The following ANKIB1 variants were observed in gnomAD, a reference collection of about 807,000 sequenced individuals.
The protein encoded by ANKIB1 is ankyrin repeat and IBR domain containing 1.
ANKIB1 carries 43 observed loss-of-function variants against 122.1 expected under a neutral mutation model. That is an observed-to-expected ratio of 0.35 (90% CI 0.28 to 0.45). The LOEUF (loss-of-function observed/expected upper bound fraction) is 0.45, where lower values mean the gene tolerates loss of function less well. Among genes scored for constraint, ANKIB1 ranks in the 20% least tolerant of loss-of-function variants. The pLI, the probability that ANKIB1 is intolerant of heterozygous loss-of-function variation, is 1.00. For synonymous variants in ANKIB1, 390 were observed against 442.0 expected (o/e 0.88, Z 1.48); for missense variants, 992 against 1,329.5 (o/e 0.75, Z 3.95).
In ANKIB1 at chr7:92,343,089, G is replaced by A; in HGVS notation, c.853G>A (p.Gly285Ser). 3 of 1,613,936 alleles carry A rather than the reference G, an allele frequency of 1.9e-6. No homozygotes were observed. Among genetic ancestry groups the A allele is most frequent in the Non-Finnish European group, 2.5e-6 (3 of 1,179,872 alleles). The change falls in exon 6 of 20, where the codon GGT (glycine) becomes AGT (serine). Residue 285 changes from glycine (G) to serine (S), a missense_variant. Physicochemically the swap from Gly to Ser is moderately conservative, Grantham distance 56. Around this residue, in one of 4 missense-constraint regions of ANKIB1, gnomAD observed 521 missense variants for 777.7 expected, o/e 0.67. Transcript: ENST00000265742. ...SNPENCCQRS[G>S]VQMPTPPPSG... ...CCCGGAGAACTGCTGCCAACGATCA[G>A]GTGTTCAAATGCCAACTCCACCACC...
intron 8 of ANKIB1, 66 bp downstream of exon 8, chr7:92,351,160 T>C: frequency 8.0e-7 from 1 of 1,251,668 alleles, no homozygotes; most frequent in Non-Finnish European, 1.0e-6. Context: ...CTTTATAACA[T>C]TATTTTTTCT....
chr7:92,314,828 A>G (rs1213673419), intron 3 of ANKIB1, among the ~76,000 whole-genome samples: 1 of 152,168 alleles, frequency 6.6e-6, no homozygotes, highest in African/African-American at 2.4e-5. Flanking sequence ...GTTGAGTACC[A>G]ATGTATTAGA....
intron 1 of ANKIB1, among the ~76,000 whole-genome samples, chr7:92,249,474 A>T (rs1169194776): frequency 6.6e-6 from 1 of 152,142 alleles, no homozygotes; most frequent in Non-Finnish European, 1.5e-5. Context: ...TAATCCCAGC[A>T]CTTTGGGAGG....
At chr7:92,375,878 G>A (rs578253427) in intron 11 of ANKIB1, among the ~76,000 whole-genome samples, 6 of 152,280 alleles carry the variant, frequency 3.9e-5, no homozygotes, top group Non-Finnish European at 5.9e-5. Context: ...CAAAATGACC[G>A]CTTAATCCAT....
intron 17 of ANKIB1, among the ~76,000 whole-genome samples, chr7:92,393,943 T>C (rs987012031): frequency 6.6e-6 from 1 of 152,132 alleles, no homozygotes; most frequent in Non-Finnish European, 1.5e-5. Context: ...TAGACTTAGA[T>C]TGAACTTATA....
chr7:92,316,588 C>G (rs1256635068), intron 3 of ANKIB1, among the ~76,000 whole-genome samples: 1 of 152,164 alleles, frequency 6.6e-6, no homozygotes. Context: ...AGATACAGGT[C>G]TTTATGGTTC....
At chr7:92,346,494 TC>T (rs1438686518) in intron 7 of ANKIB1, among the ~76,000 whole-genome samples, 1 of 152,172 alleles carries the variant, frequency 6.6e-6, no homozygotes, top group Non-Finnish European at 1.5e-5. Flanking sequence ...GCTTTTTAAG[TC>T]AGAATATCTG....
intron 2 of ANKIB1, among the ~76,000 whole-genome samples, chr7:92,300,813 T>C (rs958546463): frequency 6.6e-6 from 1 of 152,120 alleles, no homozygotes; most frequent in Admixed American, 6.6e-5. Context: ...TAATTCATCT[T>C]CTAACTGAAA....
chr7:92,387,975 C>G lies in ANKIB1; in HGVS notation c.1840C>G (p.Leu614Val), dbSNP rs1441612985. 6.3e-7 allele frequency: 1 copy of G among 1,587,588 alleles called. No individual in the cohort carries two copies. Among genetic ancestry groups the G allele is most frequent in the Non-Finnish European group, 8.6e-7 (1 of 1,165,992 alleles). ...AAATTCTTTATTTCTATTCCTTTAG[C>G]TAGAACAACGCCTTCTTAAAACAGC... ...RFKNHEHSYQ[L>V]EQRLLKTAKE... Residue 614 changes from leucine (L) to valine (V), a missense_variant and splice_region_variant, in exon 14 of 20, where the codon CTA becomes GTA. Leu to Val is a conservative substitution (Grantham distance 32, BLOSUM62 1). Around this residue, in one of 4 missense-constraint regions of ANKIB1, gnomAD observed 521 missense variants for 777.7 expected, o/e 0.67. Coordinates refer to ENST00000265742, the MANE Select transcript of ANKIB1 (RefSeq NM_019004.2).
chr7:92,398,902 A>G lies in ANKIB1; in HGVS notation c.3223A>G (p.Thr1075Ala), dbSNP rs1272459574. 4 of 1,602,258 alleles carry G rather than the reference A, an allele frequency of 2.5e-6. No homozygotes were observed. The highest frequency in any genetic ancestry group is 3.4e-6 in the Non-Finnish European group (4 of 1,174,214). The change falls in exon 20 of 20, where the codon ACA becomes GCA. Residue 1075 changes from threonine to alanine, a missense_variant. This residue lies in a region of ANKIB1 where 384 missense variants were observed against 412.0 expected (regional missense o/e 0.93). Transcript: ENST00000265742. ...RGDGSDVSSQ[T>A]PQTSSDWLEQ... ...AGATGGTTCAGATGTTTCAAGTCAA[A>G]CACCTCAAACCTCAAGTGACTGGCT... is the stretch of plus-strand genomic sequence containing the variant.
intron 1 of ANKIB1, among the ~76,000 whole-genome samples, chr7:92,276,186 C>T (rs1801900999): frequency 6.6e-6 from 1 of 152,040 alleles, no homozygotes; most frequent in African/African-American, 2.4e-5. Flanking sequence ...GGATTCTAGG[C>T]CCAAGGCATA....
At chr7:92,342,128 A>G (rs1322167035) in intron 5 of ANKIB1, among the ~76,000 whole-genome samples, 2 of 152,102 alleles carry the variant, frequency 1.3e-5, no homozygotes, top group African/African-American at 4.8e-5. Context: ...ATGTGCCTAC[A>G]GTGAATAATT....
At chr7:92,277,881 C>G (rs766492510) in intron 1 of ANKIB1, among the ~76,000 whole-genome samples, 1 of 152,078 alleles carries the variant, frequency 6.6e-6, no homozygotes, top group Non-Finnish European at 1.5e-5. Context: ...GTCAGGAGTT[C>G]GAGGCCAACC....
intron 1 of ANKIB1, among the ~76,000 whole-genome samples, chr7:92,273,513 T>C (rs888222785): frequency 3.9e-5 from 6 of 152,214 alleles, no homozygotes; most frequent in Admixed American, 6.5e-5. Context: ...ACGACCAAGA[T>C]TGCATTGCCT....
intron 1 of ANKIB1, among the ~76,000 whole-genome samples, chr7:92,283,704 T>C (rs1317965333): frequency 6.6e-6 from 1 of 152,228 alleles, no homozygotes; most frequent in Admixed American, 6.5e-5. Flanking sequence ...CGTAACATCA[T>C]TGTGCAGTTA....
intron 3 of ANKIB1, among the ~76,000 whole-genome samples, chr7:92,309,323 G>A (rs923326136): frequency 7.2e-5 from 11 of 152,106 alleles, no homozygotes; most frequent in Admixed American, 2.0e-4. Context: ...GGGTTTAAGC[G>A]ATCTCCCTCC....
chr7:92,373,907 A>G (rs1208469808), intron 11 of ANKIB1, among the ~76,000 whole-genome samples: 3 of 152,220 alleles, frequency 2.0e-5, no homozygotes, highest in African/African-American at 7.2e-5. Flanking sequence ...ATTCTTAAAT[A>G]TTTTAAATCA....
At position 92,265,404 on chromosome 7, in the gene ANKIB1, G is replaced by GA. The variant is rs369244282; in HGVS notation, c.-91+18894dup. 5.6e-4 allele frequency among the ~76,000 whole-genome samples: 84 copies of GA among 150,002 alleles called. No individual in the cohort carries two copies. The Middle Eastern group carries it at 0.014, about 24-fold the overall frequency. ...TGCAGAAGCCCTAAGGGTTAAAAGA[G>GA]AAAAAAAAAGAGGAAAAAAGTTGAT... On this transcript the variant is annotated intron_variant, in intron 1 of 19. Transcript: ENST00000265742.
intron 3 of ANKIB1, among the ~76,000 whole-genome samples, chr7:92,317,781 T>C (rs1205324017): frequency 2.6e-5 from 4 of 152,076 alleles, no homozygotes; most frequent in Admixed American, 6.5e-5. Context: ...TATAGGAAGA[T>C]TGTGTGTTTG....
Sources: allele counts gnomAD v4.1 joint callset (sites outside exome capture counted in the v4.1 genomes callset), GRCh38; gene constraint gnomAD v4.1.1; regional missense constraint gnomAD v4.1.1; transcripts MANE v1.5; gene names NCBI Gene and HGNC (gene_info 2026-07-23, HGNC 2026-07-21).